The following PIGL variants were observed in gnomAD, a reference collection of about 807,000 sequenced individuals.
PIGL encodes the protein N-acetylglucosaminyl-phosphatidylinositol de-N-acetylase.
A neutral mutation model predicts 31.1 loss-of-function variants in PIGL; 22 were observed. The ratio of observed to expected loss-of-function variants is 0.71; its 90% CI spans 0.51 to 1.01. The LOEUF (loss-of-function observed/expected upper bound fraction) is 1.01, where lower values mean the gene tolerates loss of function less well. PIGL is among the 50% of genes least tolerant of loss of function. PIGL has a pLI of 0.00. For missense variants in PIGL, 302 were observed against 315.9 expected, an observed-to-expected ratio of 0.96 and a Z score of 0.33; for synonymous variants, 131 against 117.4, an observed-to-expected ratio of 1.12 and a Z score of -0.75.
At chr17:16,323,478 C>T (rs2093114364) in intron 6 of PIGL, among the ~76,000 whole-genome samples, 2 of 152,078 alleles carry the variant, frequency 1.3e-5, no homozygotes, top group Admixed American at 6.6e-5. Context: ...AGGTGATCCT[C>T]CCACCTCAAC....
At chr17:16,312,156 TC>T in intron 3 of PIGL, among the ~76,000 whole-genome samples, 1 of 147,276 alleles carries the variant, frequency 6.8e-6, no homozygotes, top group East Asian at 2.1e-4. Context: ...CCCACCTCCC[TC>T]CCGGACGGGG....
At chr17:16,217,630 C>CT in intron 1 of PIGL, 169 bp downstream of exon 1, 1 of 540,664 alleles carries the variant, frequency 1.8e-6, no homozygotes, top group Non-Finnish European at 3.2e-6. Context: ...GGCCGGCTTA[C>CT]CTGGTGGGTT....
At chr17:16,317,193 C>T (rs1298626460) in intron 5 of PIGL, 3 of 1,005,186 alleles carry the variant, frequency 3.0e-6, no homozygotes, top group Non-Finnish European at 1.2e-6. Context: ...ACCTCACCGG[C>T]GCAATACGAA....
intron 2 of PIGL, among the ~76,000 whole-genome samples, chr17:16,295,834 G>A (rs1322291190): frequency 1.2e-4 from 19 of 152,062 alleles, no homozygotes; most frequent in African/African-American, 3.9e-4. Context: ...CCAGCTACTC[G>A]GGAAGCTGAG....
chr17:16,245,816 A>ATT (rs200265120), intron 2 of PIGL, among the ~76,000 whole-genome samples: 2,254 of 105,436 alleles, frequency 0.021, 74 homozygotes, highest in African/African-American at 0.087. Context: ...ATATATATAT[A>ATT]TATATTTTTT....
chr17:16,218,385 C>G (rs2142621069), intron 1 of PIGL, among the ~76,000 whole-genome samples: 1 of 152,208 alleles, frequency 6.6e-6, no homozygotes, highest in South Asian at 2.1e-4. Flanking sequence ...ATTCTATGCC[C>G]TAGGGATACA....
At chr17:16,323,601 A>G (rs1178588951) in intron 6 of PIGL, among the ~76,000 whole-genome samples, 1 of 144,310 alleles carries the variant, frequency 6.9e-6, no homozygotes, top group African/African-American at 2.6e-5. Context: ...GGTTTTCGTA[A>G]CACTGATCTT....
chr17:16,298,355 C>T (rs1235591882), intron 2 of PIGL, among the ~76,000 whole-genome samples: 1 of 152,058 alleles, frequency 6.6e-6, no homozygotes, highest in African/African-American at 2.4e-5. Context: ...ATGGGTGTTG[C>T]TGTAGGACCT....
intron 1 of PIGL, among the ~76,000 whole-genome samples, chr17:16,219,131 A>G (rs1336740407): frequency 2.0e-5 from 3 of 149,692 alleles, no homozygotes; most frequent in Non-Finnish European, 4.4e-5. Context: ...CAGTGGCGCA[A>G]TCTCGGCTCA....
chr17:16,259,606 G>C (rs766481572), intron 2 of PIGL, among the ~76,000 whole-genome samples: 19 of 152,126 alleles, frequency 1.2e-4, no homozygotes, highest in African/African-American at 3.9e-4. Context: ...TAAATATAAA[G>C]ACTAAAACTA....
At chr17:16,261,183 A>C (rs1293311355) in intron 2 of PIGL, among the ~76,000 whole-genome samples, 1 of 151,746 alleles carries the variant, frequency 6.6e-6, no homozygotes, top group African/African-American at 2.4e-5. Context: ...TGCTTGCCAC[A>C]TTCCCAGCAA....
At chr17:16,290,787 C>T (rs2092957203) in intron 2 of PIGL, among the ~76,000 whole-genome samples, 1 of 151,662 alleles carries the variant, frequency 6.6e-6, no homozygotes, top group Non-Finnish European at 1.5e-5. Context: ...CTCTGGCAAT[C>T]CTCCTGCCTC....
At chr17:16,271,952 TGGCC>T (rs1393968564) in intron 2 of PIGL, among the ~76,000 whole-genome samples, 12 of 152,198 alleles carry the variant, frequency 7.9e-5, no homozygotes, top group Admixed American at 7.2e-4. Flanking sequence ...TTCAAACTCC[TGGCC>T]TCAAGCAATC....
intron 2 of PIGL, among the ~76,000 whole-genome samples, chr17:16,243,422 C>T (rs538319618): frequency 6.6e-6 from 1 of 152,222 alleles, no homozygotes; most frequent in South Asian, 2.1e-4. Context: ...GGGTGGGGAT[C>T]CCATTCATTT....
At position 16,317,899 on chromosome 17, in the gene PIGL, A is replaced by T; in HGVS notation, c.651A>T (p.Ala217=). Reference sequence around the variant, plus strand: ...TCGTGCTCAACAGCAAAGAAGTGGCACAGGCCAAGGTGAGGATTGTAAATT... The same window carrying T: ...TCGTGCTCAACAGCAAAGAAGTGGCTCAGGCCAAGGTGAGGATTGTAAATT... ...VLFVLNSKEV[A]QAKKAMSCHR... is the part of the protein sequence containing the mutation. Residue 217 remains alanine (A), a synonymous_variant, in exon 6 of 7, where the codon GCA becomes GCT. Coordinates refer to ENST00000225609, the MANE Select transcript of PIGL (RefSeq NM_004278.4). 2 of 1,613,012 alleles carry T rather than the reference A, an allele frequency of 1.2e-6. No individual in the cohort carries two copies. The highest frequency in any genetic ancestry group is 1.7e-6 in the Non-Finnish European group (2 of 1,179,988).
chr17:16,231,232 CTT>C (rs975246766), intron 1 of PIGL, among the ~76,000 whole-genome samples: 26 of 126,462 alleles, frequency 2.1e-4, no homozygotes, highest in Non-Finnish European at 3.8e-4. Flanking sequence ...ATTTTCTTTT[CTT>C]TTTTTTTTTT....
chr17:16,267,395 G>T (rs2092848961), intron 2 of PIGL, among the ~76,000 whole-genome samples: 1 of 152,066 alleles, frequency 6.6e-6, no homozygotes, highest in South Asian at 2.1e-4. Flanking sequence ...GGAGGAAGTG[G>T]ATGGGAAGGC....
intron 2 of PIGL, among the ~76,000 whole-genome samples, chr17:16,241,454 G>A (rs1265438902): frequency 6.6e-6 from 1 of 151,510 alleles, no homozygotes; most frequent in African/African-American, 2.4e-5. Flanking sequence ...CGTGTGTGGT[G>A]GTGCATGGAG....
At chr17:16,312,928 A>AGGGGGG (rs869065594) in intron 3 of PIGL, 6 of 25,362 alleles carry the variant, frequency 2.4e-4, no homozygotes, top group African/African-American at 8.0e-4. Context: ...GGGAGGGGGA[A>AGGGGGG]GGGGGGGGGA....
Sources: gnomAD v4.1 joint callset for allele counts (sites outside exome capture counted in the v4.1 genomes callset) on GRCh38, gnomAD v4.1.1 for gene constraint, MANE v1.5 for transcripts, NCBI Gene and HGNC (gene_info 2026-07-23, HGNC 2026-07-21) for gene names.